PTPRD: variants seen among roughly 807,000 people sequenced by gnomAD.
The protein encoded by PTPRD is receptor-type tyrosine-protein phosphatase delta.
In PTPRD, 34 loss-of-function variants were observed where a neutral mutation model predicts 214.5. The observed-to-expected ratio is 0.16, with a 90% CI of 0.12 to 0.21. The LOEUF is 0.21. Among genes scored for constraint, PTPRD ranks in the 10% least tolerant of loss-of-function variants. The pLI is 1.00. For missense variants in PTPRD, 2,545 were observed against 2,398.7 expected (o/e 1.06, Z -1.27); for synonymous variants, 1,128 against 845.7 (o/e 1.33, Z -5.79).
At chr9:9,723,015 T>C (rs1596048504) in intron 7 of PTPRD, among the ~76,000 whole-genome samples, 1 of 152,114 alleles carries the variant, frequency 6.6e-6, no homozygotes, top group East Asian at 1.9e-4. Flanking sequence ...GATGGCATTA[T>C]TTAAAGCACA....
chr9:9,455,328 G>A (rs1459222399), intron 8 of PTPRD, among the ~76,000 whole-genome samples: 1 of 151,322 alleles, frequency 6.6e-6, no homozygotes, highest in African/African-American at 2.4e-5. Context: ...ATACAGATAT[G>A]CAGAGAATGA....
chr9:9,408,442 T>C (rs1333159700), intron 8 of PTPRD, among the ~76,000 whole-genome samples: 1 of 151,868 alleles, frequency 6.6e-6, no homozygotes. Context: ...TGTGCCCTTA[T>C]TGAGATTCAT....
chr9:8,558,550 A>G (rs1406903847), intron 14 of PTPRD, among the ~76,000 whole-genome samples: 1 of 152,176 alleles, frequency 6.6e-6, no homozygotes, highest in African/African-American at 2.4e-5. Flanking sequence ...GCTCAGAAAC[A>G]GCCTTTTCAC....
At chr9:10,151,482 C>T (rs1416538564) in intron 3 of PTPRD, among the ~76,000 whole-genome samples, 11 of 151,770 alleles carry the variant, frequency 7.2e-5, no homozygotes, top group African/African-American at 2.2e-4. Context: ...AGGCTGATCT[C>T]GAACTCCTGA....
chr9:10,348,963 A>G (rs2097136354), intron 2 of PTPRD, among the ~76,000 whole-genome samples: 1 of 152,056 alleles, frequency 6.6e-6, no homozygotes, highest in South Asian at 2.1e-4. Flanking sequence ...TGGCAGTGTA[A>G]TTGATCAACC....
chr9:9,481,944 T>C (rs567105872), intron 8 of PTPRD, among the ~76,000 whole-genome samples: 9 of 152,296 alleles, frequency 5.9e-5, no homozygotes, highest in African/African-American at 2.2e-4. Context: ...TAAAATCAAA[T>C]CTGCTTGAAT....
intron 11 of PTPRD, among the ~76,000 whole-genome samples, chr9:8,824,786 G>A (rs1368956945): frequency 1.3e-5 from 2 of 152,048 alleles, no homozygotes; most frequent in East Asian, 3.9e-4. Context: ...TTGGTTCACA[G>A]GAATAAGCAG....
At chr9:8,871,516 A>G (rs2154208030) in intron 11 of PTPRD, among the ~76,000 whole-genome samples, 1 of 152,256 alleles carries the variant, frequency 6.6e-6, no homozygotes, top group South Asian at 2.1e-4. Context: ...CAGACTTTAT[A>G]ATTTGCATGT....
chr9:9,518,327 T>A (rs988794724), intron 8 of PTPRD, among the ~76,000 whole-genome samples: 2 of 152,092 alleles, frequency 1.3e-5, no homozygotes, highest in African/African-American at 4.8e-5. Flanking sequence ...AGAAAATTCT[T>A]TTTTAGGCTA....
intron 9 of PTPRD, among the ~76,000 whole-genome samples, chr9:9,198,014 T>G (rs997589403): frequency 1.3e-5 from 2 of 152,120 alleles, no homozygotes; most frequent in Non-Finnish European, 2.9e-5. Context: ...TTCAAATAAG[T>G]GTTATGCAGT....
rs142473846 is a variant in PTPRD at position 9,496,111 on chromosome 9, G to A, written c.-237+78621C>T. Among the ~76,000 whole-genome samples, 100 of 152,244 alleles carry A rather than the reference G, an allele frequency of 6.6e-4. 4 individuals carry two copies. In the East Asian group the frequency reaches 0.016, roughly 24 times the overall value. ...TTGCTGTGAGTCTGGCAAAGGGGCC[G>A]AGAAAAATCCTGTCTCAATGTGTCA... is the stretch of plus-strand genomic sequence containing the variant. On this transcript the variant is annotated intron_variant, in intron 8 of 45. Coordinates refer to ENST00000381196, the MANE Select transcript of PTPRD (RefSeq NM_002839.4).
At chr9:8,665,424 T>A (rs578209314) in intron 12 of PTPRD, among the ~76,000 whole-genome samples, 2 of 152,334 alleles carry the variant, frequency 1.3e-5, no homozygotes, top group South Asian at 4.1e-4. Flanking sequence ...GAGAAAAGAA[T>A]TAAAAGGCAG....
chr9:8,987,633 T>C (rs988040226), intron 11 of PTPRD, among the ~76,000 whole-genome samples: 4 of 152,100 alleles, frequency 2.6e-5, no homozygotes, highest in African/African-American at 7.2e-5. Context: ...TGTGTGCTTA[T>C]GTGGACTAGT....
intron 5 of PTPRD, among the ~76,000 whole-genome samples, chr9:9,779,098 A>AAAAAAAAAAAAAAAAAG: frequency 6.7e-6 from 1 of 148,416 alleles, no homozygotes; most frequent in Non-Finnish European, 1.5e-5. Context: ...AAAAAAAAAA[A>AAAAAAAAAAAAAAAAAG]AAAAAAGCAA....
At chr9:9,818,143 G>T (rs1487260572) in intron 5 of PTPRD, among the ~76,000 whole-genome samples, 1 of 152,106 alleles carries the variant, frequency 6.6e-6, no homozygotes, top group Non-Finnish European at 1.5e-5. Flanking sequence ...GAATGACAAG[G>T]ATTTAGAAAT....
intron 12 of PTPRD, among the ~76,000 whole-genome samples, chr9:8,706,208 G>A (rs1013281642): frequency 1.3e-5 from 2 of 152,096 alleles, no homozygotes; most frequent in Non-Finnish European, 2.9e-5. Flanking sequence ...GTTTCCAAGG[G>A]ATCTTGATCA....
intron 7 of PTPRD, among the ~76,000 whole-genome samples, chr9:9,693,096 T>A (rs1410498223): frequency 6.6e-6 from 1 of 151,970 alleles, no homozygotes; most frequent in Non-Finnish European, 1.5e-5. Flanking sequence ...CCTTTCCAAT[T>A]TGGATGCCCT....
At chr9:8,599,329 A>G (rs1439005817) in intron 14 of PTPRD, among the ~76,000 whole-genome samples, 2 of 152,102 alleles carry the variant, frequency 1.3e-5, no homozygotes, top group Non-Finnish European at 2.9e-5. Context: ...ACAAAAAGTA[A>G]AAACTGTCTA....
chr9:9,834,239 G>C (rs2056018002), intron 5 of PTPRD, among the ~76,000 whole-genome samples: 1 of 151,914 alleles, frequency 6.6e-6, no homozygotes, highest in Non-Finnish European at 1.5e-5. Flanking sequence ...CCCACAACAG[G>C]GTTCTAAATC....
Sources: allele counts gnomAD v4.1 joint callset (sites outside exome capture counted in the v4.1 genomes callset), GRCh38; gene constraint gnomAD v4.1.1; transcripts MANE v1.5; gene names NCBI Gene and HGNC (gene_info 2026-07-23, HGNC 2026-07-21).